Variants in MDGA2 observed in about 807,000 individuals in gnomAD.
The protein encoded by MDGA2 is MAM domain containing glycosylphosphatidylinositol anchor 2, also known as MAM domain-containing glycosylphosphatidylinositol anchor protein 2.
Under a neutral mutation model 117.8 loss-of-function variants are expected in MDGA2, and 40 were observed. The observed-to-expected ratio is 0.34, with a 90% CI of 0.26 to 0.44. MDGA2 has a LOEUF of 0.44. Among genes scored for constraint, MDGA2 ranks in the 20% least tolerant of loss-of-function variants. The pLI is 1.00. For missense variants in MDGA2, 1,123 were observed against 1,250.6 expected (o/e 0.90, Z 1.54); for synonymous variants, 452 against 439.0 (o/e 1.03, Z -0.37).
intron 1 of MDGA2, among the ~76,000 whole-genome samples, chr14:47,640,601 T>A (rs972981380): frequency 6.6e-6 from 1 of 152,090 alleles, no homozygotes; most frequent in African/African-American, 2.4e-5. Context: ...GAATCCTACC[T>A]CTTCTTTGTA....
chr14:47,249,297 A>G (rs936574848), intron 2 of MDGA2, among the ~76,000 whole-genome samples: 2 of 151,998 alleles, frequency 1.3e-5, no homozygotes, highest in African/African-American at 2.4e-5. Flanking sequence ...GATTACAGGC[A>G]TGAGTCACCA....
chr14:47,666,066 G>C (rs1897952166), intron 1 of MDGA2, among the ~76,000 whole-genome samples: 1 of 152,038 alleles, frequency 6.6e-6, no homozygotes, highest in African/African-American at 2.4e-5. Context: ...CTAGCTAAGG[G>C]ATTGTAAATA....
chr14:47,539,125 G>C (rs766405487), intron 1 of MDGA2, among the ~76,000 whole-genome samples: 1 of 152,166 alleles, frequency 6.6e-6, no homozygotes, highest in Non-Finnish European at 1.5e-5. Flanking sequence ...AATGGAGTCA[G>C]AGCATTGGAG....
intron 1 of MDGA2, among the ~76,000 whole-genome samples, chr14:47,653,084 C>T (rs1256167358): frequency 1.3e-5 from 2 of 152,016 alleles, no homozygotes; most frequent in African/African-American, 2.4e-5. Context: ...CCAGTAGAAC[C>T]TCAATATCCC....
chr14:47,342,315 T>C lies in MDGA2; in HGVS notation c.281-40765A>G, dbSNP rs369399056. 3.3e-4 allele frequency among the ~76,000 whole-genome samples: 49 copies of C among 148,488 alleles called. 1 individual carries two copies. In the East Asian group the frequency reaches 5.5e-3, roughly 17 times the overall value. On this transcript the variant is annotated intron_variant, in intron 1 of 16. Transcript: ENST00000399232. ...TTATATATATAAATATGTGTGTATA[T>C]ATATTTATATAACATATATAAATAT... is the stretch of plus-strand genomic sequence containing the variant.
intron 6 of MDGA2, among the ~76,000 whole-genome samples, chr14:47,086,625 TTAAA>T (rs991942186): frequency 2.6e-5 from 4 of 152,108 alleles, no homozygotes; most frequent in African/African-American, 9.7e-5. Flanking sequence ...TTTTTTTACT[TTAAA>T]TAATTATCAA....
intron 1 of MDGA2, among the ~76,000 whole-genome samples, chr14:47,381,905 A>T (rs1184639966): frequency 6.6e-6 from 1 of 152,164 alleles, no homozygotes; most frequent in Non-Finnish European, 1.5e-5. Context: ...CATTGCCAAG[A>T]CAATCCTAAG....
chr14:46,942,816 T>C (rs1885045387), intron 9 of MDGA2, among the ~76,000 whole-genome samples: 1 of 152,122 alleles, frequency 6.6e-6, no homozygotes, highest in Non-Finnish European at 1.5e-5. Flanking sequence ...TTTGGATTGT[T>C]TCTAGTTTGA....
chr14:47,200,902 G>A (rs564402326), intron 3 of MDGA2: 5 of 851,534 alleles, frequency 5.9e-6, no homozygotes, highest in South Asian at 1.3e-5. Flanking sequence ...GAGCGGCCTG[G>A]CCTCGCTTGG....
intron 1 of MDGA2, among the ~76,000 whole-genome samples, chr14:47,449,381 T>C (rs763516098): frequency 2.6e-5 from 4 of 152,164 alleles, no homozygotes; most frequent in Non-Finnish European, 4.4e-5. Flanking sequence ...ACCTCTACTA[T>C]AAATAAATTT....
chr14:47,299,696 A>C (rs934921074), intron 2 of MDGA2, among the ~76,000 whole-genome samples: 1 of 152,224 alleles, frequency 6.6e-6, no homozygotes, highest in Non-Finnish European at 1.5e-5. Context: ...AAAATGTTTC[A>C]CATATCCATT....
intron 1 of MDGA2, among the ~76,000 whole-genome samples, chr14:47,443,942 T>A (rs2416079): frequency 0.24 from 37,272 of 152,176 alleles, 4,860 homozygotes; most frequent in Middle Eastern, 0.41. Context: ...GACACCCTTT[T>A]TGCCAAAACA....
intron 6 of MDGA2, among the ~76,000 whole-genome samples, chr14:47,063,360 A>T (rs2138797137): frequency 6.6e-6 from 1 of 152,052 alleles, no homozygotes; most frequent in East Asian, 1.9e-4. Context: ...TCAGTAAGTT[A>T]CTCTAGGGTG....
chr14:47,010,916 G>A (rs188429620), intron 8 of MDGA2, among the ~76,000 whole-genome samples: 280 of 152,090 alleles, frequency 1.8e-3, no homozygotes, highest in African/African-American at 4.7e-3. Flanking sequence ...TGGACAGATG[G>A]ACATGAATTA....
chr14:47,425,336 G>A (rs1262768703), intron 1 of MDGA2, among the ~76,000 whole-genome samples: 1 of 152,102 alleles, frequency 6.6e-6, no homozygotes, highest in Non-Finnish European at 1.5e-5. Flanking sequence ...AATGAAATCA[G>A]ATACATACAC....
intron 8 of MDGA2, among the ~76,000 whole-genome samples, chr14:47,025,303 T>C (rs1888432193): frequency 6.6e-6 from 1 of 152,196 alleles, no homozygotes; most frequent in Non-Finnish European, 1.5e-5. Context: ...CATTTCTACA[T>C]TAAATTGCTT....
intron 8 of MDGA2, among the ~76,000 whole-genome samples, chr14:47,027,117 T>C (rs925208169): frequency 7.2e-5 from 11 of 151,916 alleles, no homozygotes; most frequent in Non-Finnish European, 4.4e-5. Flanking sequence ...TAAGCTATGA[T>C]TGTGCTACTG....
intron 3 of MDGA2, among the ~76,000 whole-genome samples, chr14:47,175,557 T>G (rs1277285779): frequency 6.6e-6 from 1 of 151,910 alleles, no homozygotes; most frequent in Non-Finnish European, 1.5e-5. Flanking sequence ...ACCACATGAT[T>G]ATCTCAATAG....
intron 3 of MDGA2, among the ~76,000 whole-genome samples, chr14:47,160,130 G>A (rs1223582568): frequency 6.6e-6 from 1 of 152,152 alleles, no homozygotes; most frequent in African/African-American, 2.4e-5. Flanking sequence ...TCCACAACGA[G>A]TTGAACCCAA....
Sources: gnomAD v4.1 joint callset for allele counts (sites outside exome capture counted in the v4.1 genomes callset) on GRCh38, gnomAD v4.1.1 for gene constraint, MANE v1.5 for transcripts, NCBI Gene and HGNC (gene_info 2026-07-23, HGNC 2026-07-21) for gene names.